Variants in FSTL4 observed in about 807,000 individuals in gnomAD.
The protein encoded by FSTL4 is follistatin like 4, also known as follistatin-related protein 4.
FSTL4 carries 28 observed loss-of-function variants against 78.2 expected under a neutral mutation model. That is an observed-to-expected ratio of 0.36 (90% confidence interval 0.27 to 0.49). The LOEUF (loss-of-function observed/expected upper bound fraction) is 0.49. Among genes scored for constraint, FSTL4 ranks in the 20% least tolerant of loss-of-function variants. The pLI, the probability that FSTL4 is intolerant of heterozygous loss-of-function variation, is 0.98. For synonymous variants in FSTL4, 422 were observed against 440.5 expected (o/e 0.96, Z 0.53); for missense variants, 922 against 1,084.9 (o/e 0.85, Z 2.11).
rs1325932768 is a variant in FSTL4 at position 133,233,626 on chromosome 5, C to T, written c.895-89G>A. ...GTCTCCTGGTTTTCCAGAAATCCTG[C>T]AGCTGGGAGAGAGTTCCTTTCTGCC... On this transcript the variant is annotated intron_variant, in intron 7 of 15. Transcript: ENST00000265342. The T allele has an allele frequency of 5.3e-6, 8 of 1,502,674 alleles. No homozygotes were observed. In the Admixed American group the frequency reaches 7.0e-5, roughly 13 times the overall value. 93.1% of individuals were successfully genotyped at this position (1,502,674 alleles called of 1,614,324 possible).
the FSTL4 span, among the ~76,000 whole-genome samples, chr5:133,756,324 T>C: frequency 6.6e-6 from 1 of 151,868 alleles, no homozygotes; most frequent in Non-Finnish European, 1.5e-5. Context: ...AGAAGGGGTC[T>C]GCAGGTCCAG....
chr5:133,630,745 A>G, the FSTL4 span, among the ~76,000 whole-genome samples: 1 of 152,230 alleles, frequency 6.6e-6, no homozygotes. Context: ...AATCTATACT[A>G]CAAGGCTACA....
chr5:133,657,956 C>T, the FSTL4 span, among the ~76,000 whole-genome samples: 8 of 151,790 alleles, frequency 5.3e-5, no homozygotes, highest in African/African-American at 1.5e-4. Flanking sequence ...GGAAATTTTC[C>T]ATTTATTCTG....
intron 3 of FSTL4, among the ~76,000 whole-genome samples, chr5:133,425,775 T>G (rs571101594): frequency 2.0e-5 from 3 of 152,330 alleles, no homozygotes; most frequent in Admixed American, 6.5e-5. Context: ...ATAAGGGAGA[T>G]ATGGATCCTG....
At chr5:133,788,381 C>A in the FSTL4 span, among the ~76,000 whole-genome samples, 5,253 of 152,326 alleles carry the variant, frequency 0.034, 254 homozygotes, top group African/African-American at 0.11. Flanking sequence ...GACGGGACCA[C>A]TGTAATAGTA....
chr5:133,663,807 T>C, the FSTL4 span, among the ~76,000 whole-genome samples: 9 of 152,062 alleles, frequency 5.9e-5, no homozygotes, highest in Non-Finnish European at 1.0e-4. Context: ...AGCTGCGGGG[T>C]CCTCAGACCA....
the FSTL4 span, among the ~76,000 whole-genome samples, chr5:133,752,535 G>A: frequency 3.9e-5 from 6 of 152,068 alleles, no homozygotes; most frequent in East Asian, 1.9e-4. Flanking sequence ...ACTTGAACCC[G>A]GGAGGCAGAG....
At chr5:133,678,727 A>G in the FSTL4 span, among the ~76,000 whole-genome samples, 1 of 152,162 alleles carries the variant, frequency 6.6e-6, no homozygotes, top group Non-Finnish European at 1.5e-5. Flanking sequence ...TATGAGAATC[A>G]TTGCCGTCTA....
chr5:133,433,964 C>T (rs1457731527), intron 3 of FSTL4, among the ~76,000 whole-genome samples: 1 of 151,978 alleles, frequency 6.6e-6, no homozygotes, highest in Non-Finnish European at 1.5e-5. Context: ...AAGGGAAAAG[C>T]TTAGGATTTT....
At position 133,217,324 on chromosome 5, in the gene FSTL4, A is replaced by G. The variant is rs771317446; in HGVS notation, c.1513T>C (p.Ser505Pro). ...KNATQPCQWV[S>P]AVNVRNRYIY... ...TACCGGTTCCGGACATTGACTGCAG[A>G]TACCCACTGGCAGGGCTGGGTTGCA... Residue 505 changes from serine to proline, a missense_variant, in exon 13 of 16, where the codon TCT becomes CCT. By Grantham distance (74) the Ser-to-Pro change is moderately conservative. Coordinates refer to ENST00000265342, the MANE Select transcript of FSTL4 (RefSeq NM_015082.2). 6.2e-7 allele frequency: 1 copy of G among 1,614,068 alleles called. No homozygotes were observed. Among genetic ancestry groups the G allele is most frequent in the Non-Finnish European group, 8.5e-7 (1 of 1,179,914 alleles).
chr5:133,538,677 C>T (rs1193933697), intron 3 of FSTL4, among the ~76,000 whole-genome samples: 1 of 152,054 alleles, frequency 6.6e-6, no homozygotes, highest in African/African-American at 2.4e-5. Flanking sequence ...CTCATGCACT[C>T]CTATTTTATT....
chr5:133,368,021 A>G (rs1317875854), intron 4 of FSTL4, among the ~76,000 whole-genome samples: 2 of 152,272 alleles, frequency 1.3e-5, no homozygotes, highest in Non-Finnish European at 1.5e-5. Context: ...TAGCCTCTGC[A>G]TAAGAAAGAT....
At chr5:133,241,459 A>G (rs1751871421) in intron 7 of FSTL4, among the ~76,000 whole-genome samples, 1 of 152,232 alleles carries the variant, frequency 6.6e-6, no homozygotes, top group Non-Finnish European at 1.5e-5. Flanking sequence ...ACAGAGGCCC[A>G]GGCACCTGCA....
the FSTL4 span, among the ~76,000 whole-genome samples, chr5:133,643,803 C>T: frequency 6.6e-6 from 1 of 152,186 alleles, no homozygotes; most frequent in Non-Finnish European, 1.5e-5. Flanking sequence ...GGCCACAGAG[C>T]TCACAATGAT....
At chr5:133,674,734 A>G in the FSTL4 span, among the ~76,000 whole-genome samples, 1 of 152,200 alleles carries the variant, frequency 6.6e-6, no homozygotes, top group Admixed American at 6.5e-5. Context: ...GTGGTGCACA[A>G]TAAATTCAAA....
At chr5:133,630,125 T>C in the FSTL4 span, among the ~76,000 whole-genome samples, 17 of 152,230 alleles carry the variant, frequency 1.1e-4, no homozygotes, top group Middle Eastern at 3.2e-3. Context: ...CTATTCAACA[T>C]AGTATCGGAA....
intron 6 of FSTL4, among the ~76,000 whole-genome samples, chr5:133,264,673 T>C (rs1020023485): frequency 2.6e-5 from 4 of 152,350 alleles, no homozygotes; most frequent in Admixed American, 2.0e-4. Context: ...CTCTTTCCCT[T>C]ATATGGGACA....
chr5:133,639,894 G>C, the FSTL4 span, among the ~76,000 whole-genome samples: 1 of 152,110 alleles, frequency 6.6e-6, no homozygotes, highest in African/African-American at 2.4e-5. Flanking sequence ...CTGAGACAGG[G>C]ACAATCTCCA....
At chr5:133,288,062 C>T (rs1311311580) in intron 6 of FSTL4, among the ~76,000 whole-genome samples, 1 of 152,202 alleles carries the variant, frequency 6.6e-6, no homozygotes, top group African/African-American at 2.4e-5. Context: ...CTAATAGTAC[C>T]TGTTTGAGGA....
Sources: allele counts gnomAD v4.1 joint callset (sites outside exome capture counted in the v4.1 genomes callset), GRCh38; gene constraint gnomAD v4.1.1; transcripts MANE v1.5; gene names NCBI Gene and HGNC (gene_info 2026-07-23, HGNC 2026-07-21).